Variants in LRRC37A2 observed in about 807,000 individuals in gnomAD.
LRRC37A2 encodes the protein leucine rich repeat containing 37 member A2, also known as leucine-rich repeat-containing protein 37A2.
LRRC37A2 carries 9 observed loss-of-function variants against 68.8 expected under a neutral mutation model. The ratio of observed to expected loss-of-function variants is 0.13; its 90% confidence interval spans 0.08 to 0.23. LRRC37A2 has a LOEUF of 0.23. Among genes scored for constraint, LRRC37A2 ranks in the 10% least tolerant of loss-of-function variants. The pLI, the probability that LRRC37A2 is intolerant of heterozygous loss-of-function variation, is 1.00. For missense variants in LRRC37A2, 168 were observed against 950.4 expected (o/e 0.18, Z 10.82); for synonymous variants, 63 against 367.6 (o/e 0.17, Z 9.48).
chr17:46,443,805 TTTATTATTATTA>T, the LRRC37A2 span, among the ~76,000 whole-genome samples: 1 of 22,110 alleles, frequency 4.5e-5, no homozygotes, highest in East Asian at 3.0e-4. Context: ...TACATTTCTT[TTTATTATTATTA>T]TTATTATTAT....
the LRRC37A2 span, chr17:46,710,819 C>A: frequency 1.5e-6 from 1 of 655,806 alleles, no homozygotes; most frequent in Non-Finnish European, 2.3e-6. Flanking sequence ...AGAAATTATA[C>A]AAGTTGTTTT....
the LRRC37A2 span, among the ~76,000 whole-genome samples, chr17:46,727,919 C>T: frequency 1.3e-5 from 2 of 152,142 alleles, no homozygotes; most frequent in Non-Finnish European, 2.9e-5. Context: ...CAGAAAAAGA[C>T]GCTGCTGCCT....
At chr17:46,953,885 TG>T in the LRRC37A2 span, among the ~76,000 whole-genome samples, 1 of 152,248 alleles carries the variant, frequency 6.6e-6, no homozygotes, top group South Asian at 2.1e-4. Flanking sequence ...TTGATGGGGT[TG>T]TTTTTTTCTT....
chr17:46,748,121 T>TTTA, the LRRC37A2 span, among the ~76,000 whole-genome samples: 1 of 152,166 alleles, frequency 6.6e-6, no homozygotes, highest in South Asian at 2.1e-4. Context: ...TTATTTATTT[T>TTTA]TTTGAGATGG....
At chr17:46,971,004 T>G in the LRRC37A2 span, among the ~76,000 whole-genome samples, 1 of 152,242 alleles carries the variant, frequency 6.6e-6, no homozygotes, top group Non-Finnish European at 1.5e-5. Context: ...GGCTACTGTT[T>G]GCCAACATTT....
the LRRC37A2 span, chr17:46,940,012 A>G: frequency 9.9e-7 from 1 of 1,010,952 alleles, no homozygotes; most frequent in Non-Finnish European, 1.2e-6. Flanking sequence ...AAACCGGCTC[A>G]GTATTAACCC....
chr17:47,011,806 C>A, the LRRC37A2 span, among the ~76,000 whole-genome samples: 1 of 152,216 alleles, frequency 6.6e-6, no homozygotes, highest in Admixed American at 6.5e-5. Context: ...CAGGATTAGA[C>A]ACAGGCTATG....
At chr17:46,455,766 G>T in the LRRC37A2 span, among the ~76,000 whole-genome samples, 1 of 148,816 alleles carries the variant, frequency 6.7e-6, no homozygotes, top group Non-Finnish European at 1.5e-5. Context: ...GTGCTTTTTT[G>T]GGTGTAATAT....
At chr17:46,978,456 A>G in the LRRC37A2 span, 1 of 594,004 alleles carries the variant, frequency 1.7e-6, no homozygotes, top group East Asian at 3.3e-5. Context: ...CAGCGCACAC[A>G]GGACAGAGCC....
chr17:46,920,720 T>A, the LRRC37A2 span, among the ~76,000 whole-genome samples: 12 of 152,198 alleles, frequency 7.9e-5, no homozygotes, highest in African/African-American at 2.9e-4. Context: ...CTCTTTGGAT[T>A]TTCTACCTTC....
the LRRC37A2 span, among the ~76,000 whole-genome samples, chr17:46,893,906 G>A: frequency 6.6e-6 from 1 of 152,316 alleles, no homozygotes; most frequent in Non-Finnish European, 1.5e-5. Context: ...GCGTGGAGGT[G>A]CCTTGGTGGA....
the LRRC37A2 span, among the ~76,000 whole-genome samples, chr17:46,989,125 A>T: frequency 6.6e-6 from 1 of 152,214 alleles, no homozygotes; most frequent in Non-Finnish European, 1.5e-5. Context: ...GACTCCATGC[A>T]GATTCTGCAA....
chr17:46,984,625 T>G, the LRRC37A2 span, among the ~76,000 whole-genome samples: 6 of 152,212 alleles, frequency 3.9e-5, no homozygotes, highest in African/African-American at 9.6e-5. Flanking sequence ...AGATGAACCT[T>G]TAGCCCTCTG....
chr17:47,040,322 T>A, the LRRC37A2 span, among the ~76,000 whole-genome samples: 1 of 151,102 alleles, frequency 6.6e-6, no homozygotes, highest in African/African-American at 2.4e-5. Flanking sequence ...TATCTGGTCT[T>A]TCTCAGGGAC....
the LRRC37A2 span, among the ~76,000 whole-genome samples, chr17:46,856,389 G>A: frequency 6.6e-6 from 1 of 152,110 alleles, no homozygotes; most frequent in African/African-American, 2.4e-5. Flanking sequence ...CCCAGGTGGT[G>A]GAAGTGTCAT....
the LRRC37A2 span, among the ~76,000 whole-genome samples, chr17:46,897,621 G>C: frequency 6.6e-6 from 1 of 151,938 alleles, no homozygotes; most frequent in South Asian, 2.1e-4. Context: ...GCAGGCTCTG[G>C]GTGTACCTTT....
chr17:46,817,651 T>A, the LRRC37A2 span, among the ~76,000 whole-genome samples: 1 of 139,334 alleles, frequency 7.2e-6, no homozygotes, highest in Non-Finnish European at 1.6e-5. Flanking sequence ...CAAGCACTGC[T>A]CCCGGCTTCC....
the LRRC37A2 span, chr17:46,923,923 G>A: frequency 2.5e-6 from 1 of 398,336 alleles, no homozygotes; most frequent in Non-Finnish European, 4.4e-6. Flanking sequence ...GCAGAATTAT[G>A]ATTTTTACCC....
the LRRC37A2 span, chr17:47,024,541 G>T: frequency 4.2e-6 from 3 of 707,626 alleles, no homozygotes; most frequent in Admixed American, 2.2e-5. Flanking sequence ...TGTAAGAAAA[G>T]GTTTGAATGA....
Sources: allele counts gnomAD v4.1 joint callset (sites outside exome capture counted in the v4.1 genomes callset), GRCh38; gene constraint gnomAD v4.1.1; transcripts MANE v1.5; gene names NCBI Gene and HGNC (gene_info 2026-07-23, HGNC 2026-07-21).